The following ZGPAT variants were observed in gnomAD, a reference collection of about 807,000 sequenced individuals.
ZGPAT encodes the protein zinc finger CCCH-type with G patch domain-containing protein.
Under a neutral mutation model 47.9 loss-of-function variants are expected in ZGPAT, and 39 were observed. The observed-to-expected ratio is 0.81, with a 90% CI of 0.63 to 1.06. The LOEUF (loss-of-function observed/expected upper bound fraction) is 1.06, where lower values mean the gene tolerates loss of function less well. Among genes scored for constraint, ZGPAT ranks in the 50% least tolerant of loss-of-function variants. ZGPAT has a pLI of 0.00. For synonymous variants in ZGPAT, 348 were observed against 292.9 expected, an observed-to-expected ratio of 1.19 and a Z score of -1.92; for missense variants, 717 against 681.4, an observed-to-expected ratio of 1.05 and a Z score of -0.58.
Position 63,716,518 on chromosome 20 carries a change from C to CT in ZGPAT, c.584+7367dup, listed in dbSNP as rs776908249. ...AATTTGAGTCATCTCTTTTCTTCCTCTTTTTTTTTTTTTGAGATGGAGTCT... is the reference window on the plus strand; with the variant it reads ...AATTTGAGTCATCTCTTTTCTTCCTCTTTTTTTTTTTTTTGAGATGGAGTCT... On this transcript the variant is annotated intron_variant, in intron 2 of 6. Transcript: ENST00000355969. 2.9e-3 allele frequency among the ~76,000 whole-genome samples: 419 copies of CT among 143,236 alleles called. 8 individuals carry two copies. Among genetic ancestry groups the CT allele is most frequent in the Middle Eastern group, 7.4e-3 (2 of 272 alleles). The allele number at this position is 143,236 out of a possible 152,430, so 94.0% of individuals were successfully genotyped here.
chr20:63,711,456 C>T (rs1394797845), intron 2 of ZGPAT, among the ~76,000 whole-genome samples: 1 of 152,188 alleles, frequency 6.6e-6, no homozygotes, highest in East Asian at 1.9e-4. Context: ...TCCGGTTGCC[C>T]CCAGCCCTCG....
intron 4 of ZGPAT, chr20:63,734,292 T>C: frequency 3.6e-6 from 1 of 277,988 alleles, no homozygotes; most frequent in South Asian, 6.2e-5. Context: ...ATGTTGGAGG[T>C]GTACCCAGGG....
intron 2 of ZGPAT, among the ~76,000 whole-genome samples, chr20:63,716,332 G>T (rs1412511193): frequency 6.6e-6 from 1 of 152,064 alleles, no homozygotes; most frequent in Non-Finnish European, 1.5e-5. Context: ...GTCCAGCCTT[G>T]AGTCAGTTTA....
chr20:63,710,999 G>T, intron 2 of ZGPAT, among the ~76,000 whole-genome samples: 1 of 149,568 alleles, frequency 6.7e-6, no homozygotes, highest in African/African-American at 2.5e-5. Context: ...ACCATCCCTA[G>T]TTCTAGTTCT....
chr20:63,716,524 T>C (rs1259114394), intron 2 of ZGPAT, among the ~76,000 whole-genome samples: 3 of 151,916 alleles, frequency 2.0e-5, no homozygotes, highest in Non-Finnish European at 4.4e-5. Flanking sequence ...TCCTCTTTTT[T>C]TTTTTTTGAG....
At chr20:63,711,661 T>C (rs2260045) in intron 2 of ZGPAT, among the ~76,000 whole-genome samples, 143,832 of 151,766 alleles carry the variant, frequency 0.95, 68,203 homozygotes, top group East Asian at 0.99. Context: ...TACAATGGCA[T>C]GACCTCCACC....
upstream of ZGPAT, chr20:63,707,573 A>T (rs2091551442): frequency 6.3e-6 from 1 of 157,864 alleles, no homozygotes; most frequent in Non-Finnish European, 1.4e-5. Flanking sequence ...GGGACGCCCC[A>T]TCACCCCATT....
At position 63,708,589 on chromosome 20, in the gene ZGPAT, G is replaced by C; in HGVS notation, c.9G>C (p.Glu3Asp). Reference protein sequence around the residue: MDEESLESALQTY... With the variant: MDDESLESALQTY... ...CGCCTCCCTCTCTCAGCATGGACGA[G>C]GAGAGCCTGGAGTCGGCCTTGCAGA... Residue 3 changes from glutamate (E) to aspartate (D), a missense_variant, in exon 2 of 7, where the codon GAG (glutamate) becomes GAC (aspartate). By Grantham distance (45) the Glu-to-Asp change is conservative. Coordinates refer to ENST00000355969, the MANE Select transcript of ZGPAT (RefSeq NM_181485.3). The C allele has an allele frequency of 6.3e-7, 1 of 1,599,130 alleles. No homozygotes were observed. Among genetic ancestry groups the C allele is most frequent in the Non-Finnish European group, 8.5e-7 (1 of 1,170,282 alleles).
Position 63,735,268 on chromosome 20 carries a change from T to C in ZGPAT, c.1101T>C (p.Val367=). The change falls in exon 6 of 7, where the codon GTT becomes GTC. Residue 367 remains valine, a synonymous_variant. Coordinates refer to ENST00000355969, the MANE Select transcript of ZGPAT (RefSeq NM_181485.3). ...CVETLQKQTR[V]GKAGTNKPPR... Reference sequence around the variant, plus strand: ...AGACCCTGCAGAAGCAGACCAGGGTTGGCAAGGCTGGCACCAACAAGCCCC... The same window carrying C: ...AGACCCTGCAGAAGCAGACCAGGGTCGGCAAGGCTGGCACCAACAAGCCCC... 6.2e-7 allele frequency: 1 copy of C among 1,606,704 alleles called. No homozygotes were observed. Among genetic ancestry groups the C allele is most frequent in the Admixed American group, 1.7e-5 (1 of 58,874 alleles).
chr20:63,732,248 CGTGT>C (rs747259665), intron 2 of ZGPAT, among the ~76,000 whole-genome samples: 58 of 141,396 alleles, frequency 4.1e-4, no homozygotes, highest in African/African-American at 1.5e-3. Context: ...TGTGCGTGCA[CGTGT>C]GTGTGGATGA....
intron 2 of ZGPAT, among the ~76,000 whole-genome samples, chr20:63,723,151 C>A (rs13045211): frequency 0.27 from 31,446 of 117,852 alleles, 4,183 homozygotes; most frequent in Middle Eastern, 0.42. Flanking sequence ...ATAGCTCCAT[C>A]CTCCCTTCTC....
At chr20:63,731,757 T>C (rs1392563096) in intron 2 of ZGPAT, among the ~76,000 whole-genome samples, 1 of 152,136 alleles carries the variant, frequency 6.6e-6, no homozygotes, top group Admixed American at 6.5e-5. Context: ...CAGTTGGCCC[T>C]TGGTATCTGC....
At position 63,733,852 on chromosome 20, in the gene ZGPAT, C is replaced by T. The variant is rs577344774; in HGVS notation, c.871+113C>T. 2.3e-4 allele frequency: 326 copies of T among 1,415,958 alleles called. 2 individuals carry two copies. In the South Asian group the frequency reaches 3.7e-3, roughly 16 times the overall value. The allele number at this position is 1,415,958 out of a possible 1,614,324, so 87.7% of individuals were successfully genotyped here. A position where few individuals can be genotyped will look rare whatever the true frequency, so the allele number is the denominator to read the frequency against. ...CAAACTATTGGAGAGTGTGTGACTG[C>T]GGCGAGGGTGCCACCTGTGCCTGAG... is the stretch of plus-strand genomic sequence containing the variant. On this transcript the variant is annotated intron_variant, in intron 4 of 6. Transcript: ENST00000355969.
Position 63,708,971 on chromosome 20 carries a change from G to T in ZGPAT, c.391G>T (p.Gly131Trp), listed in dbSNP as rs1422261982. The change falls in exon 2 of 7, where the codon GGG becomes TGG. Residue 131 changes from glycine to tryptophan, a missense_variant. Gly to Trp is a radical substitution (Grantham distance 184). Transcript: ENST00000355969. ...EEGEDEEELS[G>W]TKVSAPYYSS... ...GGGAGAGGACGAGGAAGAGCTGAGT[G>T]GGACAAAGGTGAGCGCGCCCTACTA... is the stretch of plus-strand genomic sequence containing the variant. 1.2e-6 allele frequency: 2 copies of T among 1,613,502 alleles called. No homozygotes were observed. The highest frequency in any genetic ancestry group is 1.7e-6 in the Non-Finnish European group (2 of 1,180,010).
At chr20:63,718,973 G>A (rs537249191) in intron 2 of ZGPAT, among the ~76,000 whole-genome samples, 9 of 152,050 alleles carry the variant, frequency 5.9e-5, no homozygotes, top group African/African-American at 2.2e-4. Flanking sequence ...AGCTGAAGCA[G>A]GAGAATGGCG....
chr20:63,730,609 C>T (rs1027143873), intron 2 of ZGPAT, among the ~76,000 whole-genome samples: 3 of 152,130 alleles, frequency 2.0e-5, no homozygotes, highest in South Asian at 2.1e-4. Flanking sequence ...CTCAGCCTCC[C>T]GAGTAGGTGG....
At chr20:63,729,099 T>C (rs2091872145) in intron 2 of ZGPAT, among the ~76,000 whole-genome samples, 2 of 151,850 alleles carry the variant, frequency 1.3e-5, no homozygotes, top group Admixed American at 1.3e-4. Context: ...TGGTGCGATC[T>C]TGGCTCACTG....
intron 2 of ZGPAT, among the ~76,000 whole-genome samples, chr20:63,718,989 C>T (rs2091759877): frequency 6.6e-6 from 1 of 151,456 alleles, no homozygotes; most frequent in Non-Finnish European, 1.5e-5. Context: ...TGGCGTGAAC[C>T]CGGGAGGTGG....
intron 2 of ZGPAT, among the ~76,000 whole-genome samples, chr20:63,724,742 C>T (rs545131471): frequency 7.5e-5 from 11 of 147,174 alleles, no homozygotes; most frequent in African/African-American, 2.5e-4. Context: ...GGTGCAGTCT[C>T]AGATCACTGC....
Sources: gnomAD v4.1 joint callset for allele counts (sites outside exome capture counted in the v4.1 genomes callset) on GRCh38, gnomAD v4.1.1 for gene constraint, MANE v1.5 for transcripts, NCBI Gene and HGNC (gene_info 2026-07-23, HGNC 2026-07-21) for gene names.